LINGO2: variants seen among roughly 807,000 people sequenced by gnomAD.
The protein encoded by LINGO2 is leucine rich repeat and Ig domain containing 2, also known as leucine-rich repeat and immunoglobulin-like domain-containing nogo receptor-interacting protein 2.
Under a neutral mutation model 30.6 loss-of-function variants are expected in LINGO2, and 14 were observed. The ratio of observed to expected loss-of-function variants is 0.46; its 90% CI spans 0.30 to 0.72. The LOEUF (loss-of-function observed/expected upper bound fraction) is 0.72. LINGO2 is among the 30% of genes least tolerant of loss of function. The pLI, the probability that LINGO2 is intolerant of heterozygous loss-of-function variation, is 0.07. For missense variants in LINGO2, 729 were observed against 751.7 expected, an observed-to-expected ratio of 0.97 and a Z score of 0.35; for synonymous variants, 317 against 288.5, an observed-to-expected ratio of 1.10 and a Z score of -1.00.
At chr9:28,218,662 C>T (rs1397668930) in intron 4 of LINGO2, among the ~76,000 whole-genome samples, 1 of 152,066 alleles carries the variant, frequency 6.6e-6, no homozygotes, top group African/African-American at 2.4e-5. Flanking sequence ...CTATATTCTC[C>T]ACCATGAAGG....
At chr9:28,971,540 G>A in the LINGO2 span, among the ~76,000 whole-genome samples, 1 of 152,230 alleles carries the variant, frequency 6.6e-6, no homozygotes, top group Non-Finnish European at 1.5e-5. Flanking sequence ...GTGGCCATAG[G>A]GTGTGGCTCC....
At chr9:28,984,579 A>G in the LINGO2 span, among the ~76,000 whole-genome samples, 1 of 152,102 alleles carries the variant, frequency 6.6e-6, no homozygotes, top group Non-Finnish European at 1.5e-5. Flanking sequence ...GATGCTTTCC[A>G]GGATAGGGGA....
chr9:29,104,201 C>T, the LINGO2 span, among the ~76,000 whole-genome samples: 6 of 152,226 alleles, frequency 3.9e-5, no homozygotes, highest in African/African-American at 1.4e-4. Flanking sequence ...GGCTCTGCAT[C>T]CCCACCCAAA....
chr9:29,185,384 A>T, the LINGO2 span, among the ~76,000 whole-genome samples: 1 of 152,094 alleles, frequency 6.6e-6, no homozygotes, highest in Non-Finnish European at 1.5e-5. Context: ...ACAAAATATA[A>T]AAAACTAGGG....
chr9:28,631,330 T>C (rs7049210), intron 1 of LINGO2, among the ~76,000 whole-genome samples: 48,635 of 131,638 alleles, frequency 0.37, 8,880 homozygotes, highest in Admixed American at 0.49. Flanking sequence ...CATGACAGGC[T>C]CCGGTGTGTG....
chr9:29,083,586 T>G, the LINGO2 span, among the ~76,000 whole-genome samples: 1 of 145,698 alleles, frequency 6.9e-6, no homozygotes, highest in Admixed American at 6.9e-5. Flanking sequence ...ATAATAATAA[T>G]AAAAAAAAGA....
At position 28,452,719 on chromosome 9, in the gene LINGO2, C is replaced by T. The variant is rs151038164; in HGVS notation, c.-279+23221G>A. Among the ~76,000 whole-genome samples the T allele has an allele frequency of 2.2e-3, 333 of 151,796 alleles. 3 individuals are homozygous for T. The highest frequency in any genetic ancestry group is 3.3e-3 in the Non-Finnish European group (223 of 67,776). On this transcript the variant is annotated intron_variant, in intron 2 of 5. Coordinates refer to ENST00000379992, the Ensembl canonical transcript of LINGO2. ...GGTTTTAAATATAGAAATGCCTGGG[C>T]TGGGTCTGGAAGAATTAGTAGAAAT...
At chr9:28,879,687 C>A in the LINGO2 span, among the ~76,000 whole-genome samples, 41 of 152,284 alleles carry the variant, frequency 2.7e-4, no homozygotes, top group African/African-American at 8.9e-4. Flanking sequence ...TGTAGAGTTC[C>A]ATGTCCCCCA....
chr9:28,838,761 G>T, the LINGO2 span, among the ~76,000 whole-genome samples: 1 of 152,212 alleles, frequency 6.6e-6, no homozygotes, highest in African/African-American at 2.4e-5. Flanking sequence ...GCGCCCACTG[G>T]CTGGGCTCAT....
chr9:28,295,384 T>G lies in LINGO2; in HGVS notation c.-245-18A>C, dbSNP rs562709267. The stretch of plus-strand genomic sequence containing the variant: ...AAACGAACCTGCAACAAACAAGATA[T>G]TTCTCCATTTTAATTGAAAAATAGT... On this transcript the variant is annotated intron_variant, in intron 3 of 5. Coordinates refer to ENST00000379992, the Ensembl canonical transcript of LINGO2. 1 of 152,670 alleles carries G rather than the reference T, an allele frequency of 6.6e-6. No homozygotes were observed. The highest frequency in any genetic ancestry group is 2.4e-5 in the African/African-American group (1 of 41,552). 9.5% of individuals were successfully genotyped at this position (152,670 alleles called of 1,614,324 possible). A position where few individuals can be genotyped will look rare whatever the true frequency, so the allele number is the denominator to read the frequency against.
the LINGO2 span, among the ~76,000 whole-genome samples, chr9:29,051,691 C>T: frequency 6.6e-6 from 1 of 152,060 alleles, no homozygotes; most frequent in East Asian, 1.9e-4. Context: ...ACATAAGGCC[C>T]GTTAGTTTCT....
intron 4 of LINGO2, among the ~76,000 whole-genome samples, chr9:28,019,973 G>A (rs1399922426): frequency 3.3e-5 from 5 of 151,980 alleles, no homozygotes; most frequent in African/African-American, 7.3e-5. Flanking sequence ...AAAATCCCAA[G>A]AGCACCTGAA....
In LINGO2 at chr9:28,480,728, C is replaced by G. The variant is rs530053536; in HGVS notation, c.-364-4703G>C. Among the ~76,000 whole-genome samples the G allele has an allele frequency of 7.2e-5, 11 of 152,188 alleles. No homozygotes were observed. The South Asian group carries it at 1.0e-3, about 14-fold the overall frequency. ...TACTCCTAAAATGCTTTCAGGCTTT[C>G]TATCCAATTTTCTTACTTTATTTTA... On this transcript the variant is annotated intron_variant, in intron 1 of 5. Transcript: ENST00000379992.
chr9:28,502,106 TC>T (rs1391768524), intron 1 of LINGO2, among the ~76,000 whole-genome samples: 1 of 149,594 alleles, frequency 6.7e-6, no homozygotes, highest in East Asian at 2.0e-4. Flanking sequence ...GGTTTTGGTT[TC>T]CAGGTCTCAA....
At chr9:28,510,091 G>T (rs545451450) in intron 1 of LINGO2, among the ~76,000 whole-genome samples, 15 of 152,286 alleles carry the variant, frequency 9.8e-5, no homozygotes, top group African/African-American at 3.6e-4. Context: ...TTAGGGCTTG[G>T]AAATGTGAAA....
At chr9:28,042,119 G>A (rs914402079) in intron 4 of LINGO2, among the ~76,000 whole-genome samples, 7 of 152,274 alleles carry the variant, frequency 4.6e-5, no homozygotes, top group Non-Finnish European at 8.8e-5. Flanking sequence ...TATAAAGCAC[G>A]AAGCTTAGTA....
At chr9:28,807,199 A>G in the LINGO2 span, among the ~76,000 whole-genome samples, 1 of 151,618 alleles carries the variant, frequency 6.6e-6, no homozygotes, top group South Asian at 2.1e-4. Flanking sequence ...TAATTTTTGT[A>G]TTTTTAGTAG....
intron 2 of LINGO2, among the ~76,000 whole-genome samples, chr9:28,411,564 G>C (rs1022111251): frequency 6.6e-6 from 1 of 151,974 alleles, no homozygotes; most frequent in African/African-American, 2.4e-5. Flanking sequence ...AACAACTCTA[G>C]GTACCTCATA....
intron 3 of LINGO2, among the ~76,000 whole-genome samples, chr9:28,363,322 A>C (rs2134519892): frequency 6.6e-6 from 1 of 152,342 alleles, no homozygotes; most frequent in Non-Finnish European, 1.5e-5. Flanking sequence ...AAGCAAGAGT[A>C]AGAAAATAAA....
Sources: gnomAD v4.1 joint callset for allele counts (sites outside exome capture counted in the v4.1 genomes callset) on GRCh38, gnomAD v4.1.1 for gene constraint, MANE v1.5 for transcripts, NCBI Gene and HGNC (gene_info 2026-07-23, HGNC 2026-07-21) for gene names.